The following MAP2K2 variants were observed in gnomAD, a reference collection of about 807,000 sequenced individuals.
MAP2K2 encodes mitogen-activated protein kinase kinase 2, also known as dual specificity mitogen-activated protein kinase kinase 2.
In MAP2K2, 24 loss-of-function variants were observed where a neutral mutation model predicts 43.7. The observed-to-expected ratio is 0.55, with a 90% CI of 0.40 to 0.77. The LOEUF is 0.77. Among genes scored for constraint, MAP2K2 ranks in the 30% least tolerant of loss-of-function variants. The pLI is 0.00. For synonymous variants in MAP2K2, 244 were observed against 239.7 expected (o/e 1.02, Z -0.17); for missense variants, 470 against 566.8 (o/e 0.83, Z 1.73).
intron 1 of MAP2K2, among the ~76,000 whole-genome samples, chr19:4,123,077 C>A (rs1364881803): frequency 1.3e-5 from 2 of 150,676 alleles, no homozygotes; most frequent in African/African-American, 4.9e-5. Flanking sequence ...CCCTCACCCT[C>A]ATCTCATGAC....
chr19:4,101,390 C>T lies in MAP2K2; in HGVS notation c.529-110G>A. On this transcript the variant is annotated intron_variant, in intron 4 of 10. Transcript: ENST00000262948. The surrounding 1 kb of genome is among the most constrained non-coding windows in gnomAD (Gnocchi z 6.3). ...CAGAGCTGGAGCGAGGGAGCTGCGG[C>T]AGGAACCATTTCAGGCTGTGAGGAG... is the stretch of plus-strand genomic sequence containing the variant. The T allele has an allele frequency of 1.6e-6, 2 of 1,249,182 alleles. No individual in the cohort carries two copies. Among genetic ancestry groups the T allele is most frequent in the Non-Finnish European group, 2.3e-6 (2 of 873,652 alleles). The allele number at this position is 1,249,182 out of a possible 1,614,324, so 77.4% of individuals were successfully genotyped here. A position where few individuals can be genotyped will look rare whatever the true frequency, so the allele number is the denominator to read the frequency against.
At chr19:4,110,414 C>T in intron 3 of MAP2K2, 95 bp downstream of exon 3, 3 of 1,515,180 alleles carry the variant, frequency 2.0e-6, no homozygotes, top group Non-Finnish European at 2.7e-6. Context: ...GCACTGTTGC[C>T]TCTGAGGAAA....
intron 10 of MAP2K2, among the ~76,000 whole-genome samples, chr19:4,093,003 G>A (rs2040868662): frequency 6.6e-6 from 1 of 152,150 alleles, no homozygotes; most frequent in Non-Finnish European, 1.5e-5. Context: ...GAGGTCAGGA[G>A]TTCGAGACCA....
chr19:4,109,010 G>A (rs905413346), intron 3 of MAP2K2, among the ~76,000 whole-genome samples: 1 of 152,220 alleles, frequency 6.6e-6, no homozygotes, highest in Non-Finnish European at 1.5e-5. Flanking sequence ...GCTCCAAGGC[G>A]GGTGCTGCCT....
chr19:4,093,284 A>G (rs2040872021), intron 10 of MAP2K2, among the ~76,000 whole-genome samples: 1 of 152,184 alleles, frequency 6.6e-6, no homozygotes, highest in South Asian at 2.1e-4. Flanking sequence ...CGGTAGCCCC[A>G]GCTGCTCAGG....
chr19:4,093,272 A>G (rs993694610), intron 10 of MAP2K2, among the ~76,000 whole-genome samples: 2 of 152,182 alleles, frequency 1.3e-5, no homozygotes, highest in African/African-American at 2.4e-5. Flanking sequence ...GGTGGCACAC[A>G]TCGGTAGCCC....
At chr19:4,107,245 C>T (rs945259858) in intron 3 of MAP2K2, among the ~76,000 whole-genome samples, 8 of 151,454 alleles carry the variant, frequency 5.3e-5, no homozygotes, top group South Asian at 2.1e-4. Context: ...AAAAACTTGC[C>T]GGGCGCGGTG....
At chr19:4,117,000 C>T (rs1349813313) in intron 2 of MAP2K2, among the ~76,000 whole-genome samples, 1 of 152,168 alleles carries the variant, frequency 6.6e-6, no homozygotes, top group East Asian at 1.9e-4. Flanking sequence ...CATCTTACGT[C>T]GCCACCGCTG....
chr19:4,112,758 A>C (rs1254842223), intron 2 of MAP2K2, among the ~76,000 whole-genome samples: 1 of 151,572 alleles, frequency 6.6e-6, no homozygotes, highest in Admixed American at 6.6e-5. Flanking sequence ...GGGCTACTCC[A>C]CTCCCTCATG....
chr19:4,098,160 C>CTCA (rs1220694375), intron 7 of MAP2K2, among the ~76,000 whole-genome samples: 79 of 152,316 alleles, frequency 5.2e-4, no homozygotes, highest in African/African-American at 1.8e-3. Flanking sequence ...CGTGGATGAC[C>CTCA]CTTGAGGACA....
rs1454910757 is a variant in MAP2K2 at position 4,095,444 on chromosome 19, A to T, written c.990T>A (p.Pro330=). The T allele has an allele frequency of 1.3e-6, 2 of 1,551,314 alleles. No individual in the cohort carries two copies. Among genetic ancestry groups the T allele is most frequent in the Non-Finnish European group, 8.7e-7 (1 of 1,146,846 alleles). ...ELLDYIVNEP[P]PKLPNGVFTP... ...TGAACACACCGTTGGGCAGCTTAGG[A>T]GGTGGCTGTGGAGGAGAACAGAGGG... The change falls in exon 9 of 11, where the codon CCT becomes CCA. Residue 330 remains proline, a synonymous_variant. Transcript: ENST00000262948.
rs557578321 is a variant in MAP2K2 at position 4,091,445 on chromosome 19, C to T, written c.1093-737G>A. Among the ~76,000 whole-genome samples the T allele has an allele frequency of 1.1e-4, 16 of 152,058 alleles. No individual in the cohort carries two copies. In the East Asian group the frequency reaches 1.7e-3, roughly 17 times the overall value. On this transcript the variant is annotated intron_variant, in intron 10 of 10. Coordinates refer to ENST00000262948, the MANE Select transcript of MAP2K2 (RefSeq NM_030662.4). ...TTAGCTCACTGCAACCTCCGCCTCC[C>T]GGGTTCAAGCGATTCTCCTGCCTCA...
intron 2 of MAP2K2, among the ~76,000 whole-genome samples, chr19:4,112,463 G>C (rs2041165944): frequency 6.6e-6 from 1 of 152,246 alleles, no homozygotes. Context: ...AGGCATGAAG[G>C]AGCCCTCGCT....
intron 9 of MAP2K2, 163 bp downstream of exon 9, chr19:4,095,225 C>T (rs1394258992): frequency 3.1e-6 from 2 of 635,534 alleles, no homozygotes; most frequent in Non-Finnish European, 5.5e-6. Flanking sequence ...TGCAGCCCCA[C>T]AGCTCTGGGA....
At chr19:4,100,522 T>C (rs1260852993) in intron 6 of MAP2K2, 1 of 147,098 alleles carries the variant, frequency 6.8e-6, no homozygotes, top group Non-Finnish European at 1.5e-5. Flanking sequence ...GAAGGGGAGA[T>C]CTGGCCGGGC....
rs1218866778 is a variant in MAP2K2, at chr19:4,101,342, C to G, written c.529-62G>C. Reference sequence around the variant, plus strand: ...CACCAGGGCTTAGCTCCTGACCGAGCCCGGGGGTCAGAGCTGAGCAGTCAG... The same window carrying G: ...CACCAGGGCTTAGCTCCTGACCGAGGCCGGGGGTCAGAGCTGAGCAGTCAG... On this transcript the variant is annotated intron_variant, in intron 4 of 10. Coordinates refer to ENST00000262948, the MANE Select transcript of MAP2K2 (RefSeq NM_030662.4). This position sits in a 1 kb window ranked among gnomAD's most constrained non-coding sequence, Gnocchi z 6.3. 2.0e-5 allele frequency: 30 copies of G among 1,527,616 alleles called. No homozygotes were observed. Among genetic ancestry groups the G allele is most frequent in the Non-Finnish European group, 2.5e-5 (28 of 1,126,050 alleles). 94.6% of individuals were successfully genotyped at this position (1,527,616 alleles called of 1,614,324 possible).
rs2145053574 is a variant in MAP2K2 at position 4,101,000 on chromosome 19, A to G, written c.705+19T>C. 3.9e-6 allele frequency: 6 copies of G among 1,552,130 alleles called. No homozygotes were observed. Among genetic ancestry groups the G allele is most frequent in the Non-Finnish European group, 4.4e-6 (5 of 1,148,460 alleles). On this transcript the variant is annotated intron_variant, in intron 6 of 10. Transcript: ENST00000262948. ...GCAGCAGGGAGGAGAGCTGGAGGGG[A>G]GAGCCAGCGGGGACTCACAGCCATG...
chr19:4,102,934 G>A (rs529331410), intron 3 of MAP2K2: 525 of 1,126,760 alleles, frequency 4.7e-4, no homozygotes, highest in Middle Eastern at 2.1e-3. Context: ...GAGGAGACGC[G>A]GGTGCTGCCC....
intron 2 of MAP2K2, among the ~76,000 whole-genome samples, chr19:4,113,190 G>A (rs2041177897): frequency 6.6e-6 from 1 of 152,192 alleles, no homozygotes; most frequent in Non-Finnish European, 1.5e-5. Flanking sequence ...AATCCCAGAG[G>A]CCTTGGAACC....
Sources: allele counts gnomAD v4.1 joint callset (sites outside exome capture counted in the v4.1 genomes callset), GRCh38; gene constraint gnomAD v4.1.1; non-coding constraint Gnocchi (gnomAD v3.1); transcripts MANE v1.5; gene names NCBI Gene and HGNC (gene_info 2026-07-23, HGNC 2026-07-21).